CCDC38: variants seen among roughly 807,000 people sequenced by gnomAD.
The protein encoded by CCDC38 is coiled-coil domain-containing protein 38.
A neutral mutation model predicts 72.8 loss-of-function variants in CCDC38; 69 were observed. That is an observed-to-expected ratio of 0.95 (90% CI 0.78 to 1.16). The LOEUF is 1.16. CCDC38 is among the 50% of genes most tolerant of loss of function. CCDC38 has a pLI of 0.00. For synonymous variants in CCDC38, 201 were observed against 213.2 expected, an observed-to-expected ratio of 0.94 and a Z score of 0.50; for missense variants, 626 against 638.9, an observed-to-expected ratio of 0.98 and a Z score of 0.22.
At chr12:95,899,578 C>A (rs1388560139) in intron 5 of CCDC38, among the ~76,000 whole-genome samples, 1 of 152,148 alleles carries the variant, frequency 6.6e-6, no homozygotes, top group Non-Finnish European at 1.5e-5. Flanking sequence ...GGATTACAGG[C>A]GTGAGCCACC....
In CCDC38 at chr12:95,907,621, G is replaced by A. The variant is rs558521765; in HGVS notation, c.305-1170C>T. ...CCTCCCGGACGGGTGGCTGCCGGGC[G>A]GAGACGCTCCTCACTTCCCAGACGG... On this transcript the variant is annotated intron_variant, in intron 4 of 15. Coordinates refer to ENST00000344280, the MANE Select transcript of CCDC38 (RefSeq NM_182496.3). Among the ~76,000 whole-genome samples the A allele has an allele frequency of 2.0e-4, 27 of 134,840 alleles. 1 individual carries two copies. Among genetic ancestry groups the A allele is most frequent in the African/African-American group, 5.1e-4 (18 of 35,392 alleles). The allele number at this position is 134,840 out of a possible 152,430, so 88.5% of individuals were successfully genotyped here.
At chr12:95,890,775 C>A (rs756142478) in intron 9 of CCDC38, 57 bp downstream of exon 9, 1 of 1,097,008 alleles carries the variant, frequency 9.1e-7, no homozygotes, top group South Asian at 1.4e-5. Flanking sequence ...TCTGTCTCCA[C>A]TTTGAGATGG....
chr12:95,900,210 G>A (rs2079936208), intron 5 of CCDC38, among the ~76,000 whole-genome samples: 1 of 152,168 alleles, frequency 6.6e-6, no homozygotes, highest in African/African-American at 2.4e-5. Flanking sequence ...CACCAAGGCT[G>A]GAGCAGAGTG....
At chr12:95,889,033 C>CTTTTTTTT (rs63374760) in intron 9 of CCDC38, 73 of 85,080 alleles carry the variant, frequency 8.6e-4, no homozygotes, top group Admixed American at 9.6e-4. Context: ...ATTGTCTCAG[C>CTTTTTTTT]TTTTTTTTTT....
chr12:95,891,577 G>A (rs1387502639), intron 8 of CCDC38, among the ~76,000 whole-genome samples: 3 of 152,008 alleles, frequency 2.0e-5, no homozygotes, highest in African/African-American at 4.8e-5. Flanking sequence ...CCAACTCCTC[G>A]GCTCAAGCAC....
intron 8 of CCDC38, among the ~76,000 whole-genome samples, chr12:95,893,482 C>CTT (rs1565950023): frequency 1.5e-5 from 2 of 129,486 alleles, no homozygotes; most frequent in Non-Finnish European, 3.2e-5. Context: ...CTCTCTCTCT[C>CTT]TCTTTCTTTC....
At chr12:95,869,754 T>TA (rs1398056030) in intron 14 of CCDC38, 181 bp from the exon 15 acceptor site, 3 of 534,228 alleles carry the variant, frequency 5.6e-6, no homozygotes, top group Non-Finnish European at 9.8e-6. Context: ...CGACAACAAA[T>TA]ACTATTTTGA....
At chr12:95,888,533 T>G in intron 9 of CCDC38, 27 bp from the exon 10 acceptor site, 1 of 1,611,482 alleles carries the variant, frequency 6.2e-7, no homozygotes, top group Non-Finnish European at 8.5e-7. Context: ...GGTGAGGCCA[T>G]GCCGTTGGTG....
intron 5 of CCDC38, among the ~76,000 whole-genome samples, chr12:95,902,217 G>T (rs2079957565): frequency 6.6e-6 from 1 of 152,002 alleles, no homozygotes; most frequent in African/African-American, 2.4e-5. Context: ...TTTAATTGAG[G>T]TATAACTATC....
At chr12:95,929,642 G>A (rs10161146) in intron 2 of CCDC38, among the ~76,000 whole-genome samples, 102,715 of 152,110 alleles carry the variant, frequency 0.68, 35,539 homozygotes, top group East Asian at 0.94. Flanking sequence ...AATTGACAAG[G>A]TGATATTTTT....
At chr12:95,921,664 T>C (rs1247693579) in intron 2 of CCDC38, among the ~76,000 whole-genome samples, 3 of 152,080 alleles carry the variant, frequency 2.0e-5, no homozygotes, top group Non-Finnish European at 4.4e-5. Flanking sequence ...GGGTTTATAA[T>C]TTGAGATGAG....
At chr12:95,918,017 A>T (rs940618376) in intron 3 of CCDC38, among the ~76,000 whole-genome samples, 2 of 152,244 alleles carry the variant, frequency 1.3e-5, no homozygotes, top group Non-Finnish European at 1.5e-5. Flanking sequence ...CCACAAAACC[A>T]TACAACACTT....
intron 14 of CCDC38, among the ~76,000 whole-genome samples, chr12:95,871,834 G>A (rs1394144012): frequency 6.6e-6 from 1 of 152,062 alleles, no homozygotes; most frequent in Non-Finnish European, 1.5e-5. Flanking sequence ...CCCATGACAG[G>A]CTCCTAATTC....
At chr12:95,876,323 G>A (rs2079634919) in intron 13 of CCDC38, among the ~76,000 whole-genome samples, 1 of 152,134 alleles carries the variant, frequency 6.6e-6, no homozygotes, top group African/African-American at 2.4e-5. Flanking sequence ...TGTTTAATGG[G>A]TATAGAATTT....
chr12:95,908,235 G>A (rs1223446111), intron 4 of CCDC38, among the ~76,000 whole-genome samples: 1 of 151,504 alleles, frequency 6.6e-6, no homozygotes, highest in Non-Finnish European at 1.5e-5. Flanking sequence ...CGAGGCTGGC[G>A]GATCACTCGC....
chr12:95,927,067 G>A (rs1374375843), intron 2 of CCDC38, among the ~76,000 whole-genome samples: 2 of 152,044 alleles, frequency 1.3e-5, no homozygotes, highest in Non-Finnish European at 2.9e-5. Flanking sequence ...TCTGCTTGGT[G>A]CAGAGCTGAG....
rs77200477 is a variant in CCDC38, at chr12:95,922,592, G to A, written c.38-3616C>T. 1.3e-3 allele frequency among the ~76,000 whole-genome samples: 199 copies of A among 152,324 alleles called. 1 individual carries two copies. Among genetic ancestry groups the A allele is most frequent in the African/African-American group, 4.7e-3 (194 of 41,564 alleles). Reference sequence around the variant, plus strand: ...TCCAATTGATAGAGGAACTAGCCAGGCCGGGAGAGTTTCCTGCTAGGTGGA... The same window carrying A: ...TCCAATTGATAGAGGAACTAGCCAGACCGGGAGAGTTTCCTGCTAGGTGGA... On this transcript the variant is annotated intron_variant, in intron 2 of 15. Coordinates refer to ENST00000344280, the MANE Select transcript of CCDC38 (RefSeq NM_182496.3).
intron 10 of CCDC38, among the ~76,000 whole-genome samples, chr12:95,882,709 C>T (rs1050829404): frequency 1.9e-4 from 29 of 152,196 alleles, no homozygotes; most frequent in African/African-American, 7.0e-4. Flanking sequence ...GGCTCCTCCT[C>T]AGTCTTCTTC....
Position 95,879,586 on chromosome 12 carries a change from C to G in CCDC38, c.1142+58G>C, listed in dbSNP as rs1330395853. On this transcript the variant is annotated intron_variant, in intron 12 of 15. Coordinates refer to ENST00000344280, the MANE Select transcript of CCDC38 (RefSeq NM_182496.3). The surrounding 1 kb of genome is among the most constrained non-coding windows in gnomAD (Gnocchi z 5.5). ...AGAGCCACATGTGAGTGAGTTGGACCCAGGCTCTGGTTAGAAATTGCTTAA... is the reference window on the plus strand; with the variant it reads ...AGAGCCACATGTGAGTGAGTTGGACGCAGGCTCTGGTTAGAAATTGCTTAA... The G allele has an allele frequency of 7.9e-7, 1 of 1,273,690 alleles. No individual in the cohort carries two copies. Among genetic ancestry groups the G allele is most frequent in the East Asian group, 2.3e-5 (1 of 42,724 alleles). 78.9% of individuals were successfully genotyped at this position (1,273,690 alleles called of 1,614,324 possible). A position where few individuals can be genotyped will look rare whatever the true frequency, so the allele number is the denominator to read the frequency against.
Sources: allele counts gnomAD v4.1 joint callset (sites outside exome capture counted in the v4.1 genomes callset), GRCh38; gene constraint gnomAD v4.1.1; non-coding constraint Gnocchi (gnomAD v3.1); transcripts MANE v1.5; gene names NCBI Gene and HGNC (gene_info 2026-07-23, HGNC 2026-07-21).